VAPA: variants seen among roughly 807,000 people sequenced by gnomAD.
The protein encoded by VAPA is vesicle-associated membrane protein-associated protein A.
A neutral mutation model predicts 25.6 loss-of-function variants in VAPA; 6 were observed. That is an observed-to-expected ratio of 0.23 (90% CI 0.13 to 0.46). The LOEUF (loss-of-function observed/expected upper bound fraction) is 0.46. VAPA is among the 20% of genes least tolerant of loss of function. VAPA has a pLI of 0.99. For missense variants in VAPA, 244 were observed against 302.1 expected, an observed-to-expected ratio of 0.81 and a Z score of 1.43; for synonymous variants, 112 against 106.2, an observed-to-expected ratio of 1.05 and a Z score of -0.34.
intron 4 of VAPA, chr18:9,949,655 G>T (rs533402996): frequency 6.6e-6 from 1 of 152,206 alleles, no homozygotes; most frequent in Non-Finnish European, 1.5e-5. Context: ...CTGCTACGAT[G>T]TGTGGTGACA....
chr18:9,914,072 G>T lies in VAPA; in HGVS notation c.-185G>T, dbSNP rs1267405032. On this transcript the variant is annotated 5_prime_UTR_variant, in exon 1 of 6. Transcript: ENST00000400000. The stretch of plus-strand genomic sequence containing the variant: ...TGGTGTGGGGTTGAGTCAGTTGTGG[G>T]ACCCGGAGCTGCTGACCCAGCGGGT... 1 of 528,076 alleles carries T rather than the reference G, an allele frequency of 1.9e-6. No individual in the cohort carries two copies. The highest frequency in any genetic ancestry group is 3.3e-6 in the Non-Finnish European group (1 of 302,276). The allele number at this position is 528,076 out of a possible 1,614,324, so 32.7% of individuals were successfully genotyped here.
chr18:9,957,919 C>T lies in VAPA; in HGVS notation c.*3708C>T, dbSNP rs1412586600. 6.6e-6 allele frequency: 1 copy of T among 152,248 alleles called. No individual in the cohort carries two copies. 9.4% of individuals were successfully genotyped at this position (152,248 alleles called of 1,614,324 possible). A position where few individuals can be genotyped will look rare whatever the true frequency, so the allele number is the denominator to read the frequency against. On this transcript the variant is annotated 3_prime_UTR_variant, in exon 6 of 6. Transcript: ENST00000400000. ...CCACTTTTGGTAGACTACCACCACG[C>T]TTCTTCGCGTAAGCAGTGGCATCTT... is the stretch of plus-strand genomic sequence containing the variant.
At chr18:9,937,089 A>T in intron 4 of VAPA, 23 bp downstream of exon 4, 1 of 1,603,280 alleles carries the variant, frequency 6.2e-7, no homozygotes. Flanking sequence ...ATGTAAAAAA[A>T]ATTGGGAGCT....
chr18:9,950,944 A>G (rs1309925895), intron 5 of VAPA: 1 of 198,352 alleles, frequency 5.0e-6, no homozygotes, highest in Non-Finnish European at 1.0e-5. Flanking sequence ...ATTTGTTCAA[A>G]TTGAGCTGTG....
intron 1 of VAPA, among the ~76,000 whole-genome samples, chr18:9,929,344 G>A (rs1367247704): frequency 1.3e-5 from 2 of 152,052 alleles, no homozygotes; most frequent in East Asian, 3.9e-4. Flanking sequence ...CACCTAAAGG[G>A]TTATGTTTGT....
intron 1 of VAPA, among the ~76,000 whole-genome samples, chr18:9,917,991 A>G (rs1392426026): frequency 4.0e-5 from 6 of 150,904 alleles, no homozygotes; most frequent in Non-Finnish European, 8.8e-5. Flanking sequence ...TTGCTCACAG[A>G]ATAAAAGTCA....
intron 3 of VAPA, 116 bp from the exon 4 acceptor site, chr18:9,936,870 A>G (rs2069316495): frequency 1.4e-6 from 1 of 737,792 alleles, no homozygotes; most frequent in South Asian, 1.7e-5. Flanking sequence ...AGAGTGCACC[A>G]GTGTGTTTCA....
At chr18:9,929,197 A>G (rs897654146) in intron 1 of VAPA, among the ~76,000 whole-genome samples, 3 of 152,146 alleles carry the variant, frequency 2.0e-5, no homozygotes, top group African/African-American at 2.4e-5. Context: ...TTTTTCACCA[A>G]TATGAATTTC....
intron 1 of VAPA, among the ~76,000 whole-genome samples, chr18:9,918,967 C>G (rs1380751114): frequency 1.3e-5 from 2 of 152,148 alleles, no homozygotes; most frequent in East Asian, 1.9e-4. Context: ...CATGCACGTT[C>G]TTGGCTCACT....
chr18:9,953,885 CTA>C (rs2069514971), intron 5 of VAPA, among the ~76,000 whole-genome samples, 166 bp from the exon 6 acceptor site: 1 of 152,292 alleles, frequency 6.6e-6, no homozygotes, highest in East Asian at 1.9e-4. Context: ...TTTAGAATGT[CTA>C]TCACCCCCGG....
Position 9,956,913 on chromosome 18 carries a change from C to G in VAPA, c.*2702C>G, listed in dbSNP as rs148342720. 1.2e-3 allele frequency: 189 copies of G among 152,084 alleles called. No individual in the cohort carries two copies. The highest frequency in any genetic ancestry group is 4.2e-3 in the African/African-American group (174 of 41,494). 9.4% of individuals were successfully genotyped at this position (152,084 alleles called of 1,614,324 possible). A position where few individuals can be genotyped will look rare whatever the true frequency, so the allele number is the denominator to read the frequency against. ...CTAATGTACCTTAACTTCCCCCATT[C>G]TTATATTTACAAGAAGCTAAGTCAT... On this transcript the variant is annotated 3_prime_UTR_variant, in exon 6 of 6. Coordinates refer to ENST00000400000, the MANE Select transcript of VAPA (RefSeq NM_194434.3).
chr18:9,921,109 T>C (rs2069153487), intron 1 of VAPA, among the ~76,000 whole-genome samples: 1 of 152,264 alleles, frequency 6.6e-6, no homozygotes, highest in Non-Finnish European at 1.5e-5. Flanking sequence ...TCTGGCATCA[T>C]AAAATGATTG....
intron 5 of VAPA, among the ~76,000 whole-genome samples, chr18:9,953,280 C>G (rs531933623): frequency 3.9e-5 from 6 of 152,162 alleles, no homozygotes; most frequent in Non-Finnish European, 7.4e-5. Flanking sequence ...GAGAAGCACC[C>G]TCATTTTCCA....
At chr18:9,929,135 AAG>A (rs1193871591) in intron 1 of VAPA, among the ~76,000 whole-genome samples, 1 of 152,188 alleles carries the variant, frequency 6.6e-6, no homozygotes, top group Admixed American at 6.5e-5. Flanking sequence ...TTTTGAAGAA[AAG>A]AGTACACATT....
At position 9,954,151 on chromosome 18, in the gene VAPA, A is replaced by T; in HGVS notation, c.690A>T (p.Ser230=). 6.2e-7 allele frequency: 1 copy of T among 1,613,604 alleles called. No individual in the cohort carries two copies. The highest frequency in any genetic ancestry group is 2.2e-5 in the East Asian group (1 of 44,850). Residue 230 remains serine, a synonymous_variant, in exon 6 of 6, where the codon TCA becomes TCT. Coordinates refer to ENST00000400000, the MANE Select transcript of VAPA (RefSeq NM_194434.3). ...FRDNVTSPLP[S]LLVVIAAIFI... is the part of the protein sequence containing the mutation. Reference sequence around the variant, plus strand: ...ATAATGTCACCAGTCCTCTTCCTTCACTTCTTGTTGTAATTGCAGCCATTT... The same window carrying T: ...ATAATGTCACCAGTCCTCTTCCTTCTCTTCTTGTTGTAATTGCAGCCATTT...
intron 4 of VAPA, 52 bp from the exon 5 acceptor site, chr18:9,950,343 C>G: frequency 1.3e-6 from 2 of 1,570,052 alleles, no homozygotes; most frequent in Admixed American, 1.9e-5. Context: ...TTGTTTAAAA[C>G]CTGTAAGGAG....
chr18:9,930,114 A>G (rs957224225), intron 1 of VAPA, among the ~76,000 whole-genome samples: 3 of 152,260 alleles, frequency 2.0e-5, no homozygotes, highest in Admixed American at 2.0e-4. Flanking sequence ...AGTTTGGATA[A>G]TTGGTACTTT....
chr18:9,944,051 C>T (rs2069395604), intron 4 of VAPA, among the ~76,000 whole-genome samples: 2 of 151,738 alleles, frequency 1.3e-5, no homozygotes, highest in South Asian at 4.2e-4. Flanking sequence ...TTAGTAGAGA[C>T]AGGGTTTCAC....
chr18:9,918,821 A>G (rs2069133790), intron 1 of VAPA, among the ~76,000 whole-genome samples: 1 of 152,254 alleles, frequency 6.6e-6, no homozygotes, highest in Non-Finnish European at 1.5e-5. Context: ...TTAGATTTGA[A>G]TATTGCACAG....
Sources: gnomAD v4.1 joint callset for allele counts (sites outside exome capture counted in the v4.1 genomes callset) on GRCh38, gnomAD v4.1.1 for gene constraint, MANE v1.5 for transcripts, NCBI Gene and HGNC (gene_info 2026-07-23, HGNC 2026-07-21) for gene names.